The following APOOL variants were observed in gnomAD, a reference collection of about 807,000 sequenced individuals.
APOOL encodes the protein apolipoprotein O like, also known as MICOS complex subunit MIC27.
Under a neutral mutation model 23.1 loss-of-function variants are expected in APOOL, and 12 were observed. The observed-to-expected ratio is 0.52, with a 90% CI of 0.33 to 0.84. The LOEUF is 0.84. Ranked by LOEUF, APOOL falls within the 40% of genes least tolerant of loss-of-function variation. APOOL has a pLI of 0.02. For missense variants in APOOL, 212 were observed against 199.6 expected (o/e 1.06, Z -0.37); for synonymous variants, 77 against 69.9 (o/e 1.10, Z -0.51).
rs1445967451 is a variant in APOOL at position 85,051,591 on chromosome X, C to G, written c.240+83C>G. On this transcript the variant is annotated intron_variant, in intron 3 of 8. Coordinates refer to ENST00000373173, the MANE Select transcript of APOOL (RefSeq NM_198450.6). Reference sequence around the variant, plus strand: ...ACCTACTGATGTGTAGAAAACTAATCCAAAACTTAATGGCTTAAAACCACA... The same window carrying G: ...ACCTACTGATGTGTAGAAAACTAATGCAAAACTTAATGGCTTAAAACCACA... 4.5e-6 allele frequency: 5 copies of G among 1,109,792 alleles called. No individual in the cohort carries two copies. The Admixed American group carries it at 9.6e-5, about 21-fold the overall frequency. 91.5% of individuals were successfully genotyped at this position (1,109,792 alleles called of 1,213,427 possible).
chrX:85,050,999 C>T (rs1250170420), intron 2 of APOOL, among the ~76,000 whole-genome samples: 2 of 110,478 alleles, frequency 1.8e-5, no homozygotes, highest in Non-Finnish European at 3.8e-5. Flanking sequence ...ATATTTACCC[C>T]CTAATTTCTA....
In APOOL at chrX:85,087,592, GC is replaced by G; in HGVS notation, c.722del (p.Ala241GlufsTer21). On this transcript the variant is annotated frameshift_variant, in exon 9 of 9. Transcript: ENST00000373173. LOFTEE classifies it high-confidence loss of function. ...AKTKSESTSG[A>X]TQFMPDPKLM... ...TTTTCATTTTAATACTTTATCAGGTGCAACCCAGTTTATGCCTGACCCCAAG... is the reference window on the plus strand; with the variant it reads ...TTTTCATTTTAATACTTTATCAGGTGAACCCAGTTTATGCCTGACCCCAAG... 8.4e-7 allele frequency: 1 copy of G among 1,195,436 alleles called. No individual in the cohort carries two copies. Among genetic ancestry groups the G allele is most frequent in the Non-Finnish European group, 1.1e-6 (1 of 887,438 alleles).
chrX:85,014,851 G>A (rs1460052947), intron 1 of APOOL, among the ~76,000 whole-genome samples: 4 of 109,501 alleles, frequency 3.7e-5, no homozygotes, highest in Admixed American at 9.7e-5. Context: ...GCTTCTTTTA[G>A]TTGGATGTTT....
chrX:85,080,206 C>T (rs1309375058), intron 8 of APOOL, among the ~76,000 whole-genome samples: 1 of 111,688 alleles, frequency 9.0e-6, no homozygotes, highest in Non-Finnish European at 1.9e-5. Flanking sequence ...TAGATCTTTC[C>T]TGCTTTCTCT....
At chrX:85,005,798 C>T (rs1313858367) in intron 1 of APOOL, among the ~76,000 whole-genome samples, 1 of 111,548 alleles carries the variant, frequency 9.0e-6, no homozygotes, top group Admixed American at 9.5e-5. Flanking sequence ...ACAAAGTGCT[C>T]TGACGCTCAA....
intron 5 of APOOL, among the ~76,000 whole-genome samples, chrX:85,061,560 C>T (rs1465579340): frequency 2.7e-5 from 3 of 111,841 alleles, no homozygotes; most frequent in Non-Finnish European, 3.8e-5. Context: ...AATTTCAGAG[C>T]CTATTATTGG....
chrX:85,036,924 C>T (rs1922236711), intron 1 of APOOL, among the ~76,000 whole-genome samples: 1 of 110,769 alleles, frequency 9.0e-6, no homozygotes, highest in African/African-American at 3.3e-5. Context: ...ATTAGCTCTC[C>T]TCAAGCTTAG....
intron 8 of APOOL, among the ~76,000 whole-genome samples, chrX:85,074,847 G>T (rs1315686669): frequency 9.1e-6 from 1 of 109,983 alleles, no homozygotes; most frequent in Admixed American, 9.9e-5. Flanking sequence ...GGCACCAAAA[G>T]AACTTTCAGC....
intron 8 of APOOL, among the ~76,000 whole-genome samples, chrX:85,082,218 C>G (rs1379467403): frequency 8.9e-6 from 1 of 111,852 alleles, no homozygotes; most frequent in African/African-American, 3.3e-5. Context: ...TTCTCCCCAT[C>G]TTTGTGGTTT....
chrX:85,027,558 A>G (rs761387624), intron 1 of APOOL, among the ~76,000 whole-genome samples: 2 of 111,558 alleles, frequency 1.8e-5, no homozygotes, highest in Non-Finnish European at 3.8e-5. Context: ...CCCATATAGC[A>G]TGAAGTCTCA....
At chrX:85,023,937 T>G (rs1921755291) in intron 1 of APOOL, among the ~76,000 whole-genome samples, 1 of 112,325 alleles carries the variant, frequency 8.9e-6, no homozygotes, top group East Asian at 2.8e-4. Flanking sequence ...ATAGCACCCT[T>G]CATCCCACCC....
intron 1 of APOOL, among the ~76,000 whole-genome samples, chrX:85,035,437 A>C (rs1922183031): frequency 9.0e-6 from 1 of 111,095 alleles, no homozygotes; most frequent in Non-Finnish European, 1.9e-5. Flanking sequence ...TTTGCTGTGC[A>C]CATGTTCTTT....
At chrX:85,051,138 C>G (rs1012284951) in intron 2 of APOOL, among the ~76,000 whole-genome samples, 1 of 111,557 alleles carries the variant, frequency 9.0e-6, no homozygotes, top group African/African-American at 3.3e-5. Flanking sequence ...AGTAGTTTCT[C>G]TAAATATACA....
intron 1 of APOOL, among the ~76,000 whole-genome samples, chrX:85,031,367 CAA>C (rs1216765341): frequency 9.0e-6 from 1 of 111,008 alleles, no homozygotes; most frequent in Non-Finnish European, 1.9e-5. Context: ...CTTAGTCGTG[CAA>C]AGTCTTTTGG....
chrX:85,025,409 C>T (rs1393052611), intron 1 of APOOL, among the ~76,000 whole-genome samples: 1 of 111,716 alleles, frequency 9.0e-6, no homozygotes, highest in African/African-American at 3.3e-5. Flanking sequence ...ATGTCCTTCC[C>T]ACATTGCAAA....
intron 1 of APOOL, among the ~76,000 whole-genome samples, chrX:85,025,543 A>G (rs1428434248): frequency 8.9e-6 from 1 of 112,386 alleles, no homozygotes; most frequent in South Asian, 3.7e-4. Context: ...AGCCTGTCAA[A>G]TAAAAGACAG....
intron 5 of APOOL, among the ~76,000 whole-genome samples, chrX:85,059,220 T>G (rs1293069562): frequency 2.7e-5 from 3 of 110,618 alleles, no homozygotes; most frequent in Non-Finnish European, 5.7e-5. Context: ...TCATTTTTTA[T>G]GGCTGCATAT....
chrX:85,062,644 G>T (rs1347563885), intron 5 of APOOL, among the ~76,000 whole-genome samples: 2 of 111,419 alleles, frequency 1.8e-5, no homozygotes, highest in African/African-American at 6.5e-5. Context: ...CCCATTGCTT[G>T]TTTTTGTCAG....
chrX:85,014,530 T>G (rs1251516851), intron 1 of APOOL, among the ~76,000 whole-genome samples: 1 of 80,623 alleles, frequency 1.2e-5, no homozygotes, highest in African/African-American at 5.8e-5. Flanking sequence ...ATTCTCAGCA[T>G]TTTTTTTTTT....
Sources: allele counts gnomAD v4.1 joint callset (sites outside exome capture counted in the v4.1 genomes callset), GRCh38; gene constraint gnomAD v4.1.1; transcripts MANE v1.5; gene names NCBI Gene and HGNC (gene_info 2026-07-23, HGNC 2026-07-21).